The following APCDD1L variants were observed in gnomAD, a reference collection of about 807,000 sequenced individuals.
APCDD1L encodes the protein protein APCDD1-like.
A neutral mutation model predicts 24.2 loss-of-function variants in APCDD1L; 21 were observed. The observed-to-expected ratio is 0.87, with a 90% confidence interval of 0.61 to 1.25. The LOEUF is 1.25. APCDD1L is among the 50% of genes most tolerant of loss of function. APCDD1L has a pLI of 0.00. For missense variants in APCDD1L, 704 were observed against 711.7 expected (o/e 0.99, Z 0.12); for synonymous variants, 321 against 323.6 (o/e 0.99, Z 0.09).
rs1364184210 is a variant in APCDD1L, at chr20:58,497,937, T to C, written c.49+16722A>G. On this transcript the variant is annotated intron_variant, in intron 1 of 3. Coordinates refer to ENST00000371149, the MANE Select transcript of APCDD1L (RefSeq NM_153360.3). The surrounding 1 kb of genome is among the most constrained non-coding windows in gnomAD (Gnocchi z 4.3). ...CTCCCTTCTCGGCAGCAACAACCAT[T>C]ATCGGTTTGTGCATCTCTCCAGATC... Among the ~76,000 whole-genome samples the C allele has an allele frequency of 6.6e-6, 1 of 152,126 alleles. No homozygotes were observed. The highest frequency in any genetic ancestry group is 2.4e-5 in the African/African-American group (1 of 41,414).
chr20:58,507,010 C>T (rs1481333500), intron 1 of APCDD1L, among the ~76,000 whole-genome samples: 2 of 152,146 alleles, frequency 1.3e-5, no homozygotes, highest in African/African-American at 4.8e-5. Context: ...TATGGTTTGG[C>T]TGTGTCCCCA....
chr20:58,467,802 C>T lies in APCDD1L; in HGVS notation c.189-144G>A, dbSNP rs1989747157. ...CCTGGGCCCCTCCAGCCTCAGTTCC[C>T]CTCACTGCTCGCAGTCAGGCACCCT... On this transcript the variant is annotated intron_variant, in intron 2 of 3. Coordinates refer to ENST00000371149, the MANE Select transcript of APCDD1L (RefSeq NM_153360.3). The surrounding 1 kb of genome is among the most constrained non-coding windows in gnomAD (Gnocchi z 5.9). 1.2e-6 allele frequency: 1 copy of T among 829,846 alleles called. No homozygotes were observed. 51.4% of individuals were successfully genotyped at this position (829,846 alleles called of 1,614,324 possible). A position where few individuals can be genotyped will look rare whatever the true frequency, so the allele number is the denominator to read the frequency against.
rs1261558454 is a variant in APCDD1L at position 58,467,401 on chromosome 20, A to G, written c.446T>C (p.Leu149Pro). Reference sequence around the variant, plus strand: ...GTCCCGGCCGGCGCGGGTCTGGTTGAGGCGCCCGGTGACGTCGACCAGGGC... The same window carrying G: ...GTCCCGGCCGGCGCGGGTCTGGTTGGGGCGCCCGGTGACGTCGACCAGGGC... ...RRALVDVTGR[L>P]NQTRAGRDCA... Residue 149 changes from leucine (L) to proline (P), a missense_variant, in exon 3 of 4, where the codon CTC (leucine) becomes CCC (proline). Physicochemically the swap from Leu to Pro is moderately conservative, Grantham distance 98. Transcript: ENST00000371149. The surrounding 1 kb of genome is among the most constrained non-coding windows in gnomAD (Gnocchi z 5.9). The G allele has an allele frequency of 5.9e-6, 9 of 1,533,808 alleles. No homozygotes were observed. In the Admixed American group the frequency reaches 1.8e-4, roughly 31 times the overall value.
intron 1 of APCDD1L, among the ~76,000 whole-genome samples, chr20:58,503,887 C>G (rs1189816491): frequency 6.6e-6 from 1 of 152,222 alleles, no homozygotes; most frequent in Non-Finnish European, 1.5e-5. Flanking sequence ...GGGAACCACT[C>G]TGCACTTTCT....
In APCDD1L at chr20:58,460,855, G is replaced by A. The variant is rs779459460; in HGVS notation, c.1441C>T (p.Leu481Phe). 5 of 1,562,818 alleles carry A rather than the reference G, an allele frequency of 3.2e-6. No homozygotes were observed. In the African/African-American group the frequency reaches 6.8e-5, roughly 21 times the overall value. ...AGAAGTGGGAAGGGGGCTATGTGAA[G>A]ACCCCCTGTGCTGGGGTGCTTCTGC... Reference protein sequence around the residue: ...SLQKHPSTGGLHIAPFPLLPL... With the variant: ...SLQKHPSTGGFHIAPFPLLPL... Residue 481 changes from leucine (L) to phenylalanine (F), a missense_variant, in exon 4 of 4, where the codon CTT becomes TTT. Physicochemically the swap from Leu to Phe is conservative, Grantham distance 22. Transcript: ENST00000371149. The surrounding 1 kb of genome is among the most constrained non-coding windows in gnomAD (Gnocchi z 4.2).
intron 1 of APCDD1L, among the ~76,000 whole-genome samples, chr20:58,505,223 AATT>A (rs1287978744): frequency 6.6e-6 from 1 of 151,992 alleles, no homozygotes; most frequent in Non-Finnish European, 1.5e-5. Flanking sequence ...GTTTTTTACA[AATT>A]ATTATTATTT....
In APCDD1L at chr20:58,494,426, C is replaced by T. The variant is rs1004918196; in HGVS notation, c.49+20233G>A. On this transcript the variant is annotated intron_variant, in intron 1 of 3. Coordinates refer to ENST00000371149, the MANE Select transcript of APCDD1L (RefSeq NM_153360.3). This position sits in a 1 kb window ranked among gnomAD's most constrained non-coding sequence, Gnocchi z 4.8. ...CGGCTCACTGCAGCCTCAAACTCCCCGGCTCAAGCCATCCTCTGGCCTCAG... is the reference window on the plus strand; with the variant it reads ...CGGCTCACTGCAGCCTCAAACTCCCTGGCTCAAGCCATCCTCTGGCCTCAG... 1.3e-4 allele frequency among the ~76,000 whole-genome samples: 20 copies of T among 152,058 alleles called. No homozygotes were observed. Among genetic ancestry groups the T allele is most frequent in the South Asian group, 4.2e-4 (2 of 4,810 alleles).
rs539568082 is a variant in APCDD1L, at chr20:58,460,024, G to T, written c.*766C>A. On this transcript the variant is annotated 3_prime_UTR_variant, in exon 4 of 4. Transcript: ENST00000371149. This position sits in a 1 kb window ranked among gnomAD's most constrained non-coding sequence, Gnocchi z 4.2. ...GGGCCAGGAAGGCTTGGAGGCCGCA[G>T]GCTGCTCTGGGGAGGCCATGCTTCT... The T allele has an allele frequency of 1.3e-5, 2 of 152,406 alleles. No individual in the cohort carries two copies. Among genetic ancestry groups the T allele is most frequent in the African/African-American group, 4.8e-5 (2 of 41,574 alleles). 9.4% of individuals were successfully genotyped at this position (152,406 alleles called of 1,614,324 possible).
intron 1 of APCDD1L, among the ~76,000 whole-genome samples, chr20:58,511,264 G>A (rs1990621473): frequency 6.6e-6 from 1 of 152,144 alleles, no homozygotes; most frequent in Non-Finnish European, 1.5e-5. Context: ...TCCTTCTCAA[G>A]AGCCCCCCAA....
Position 58,476,044 on chromosome 20 carries a change from TG to T in APCDD1L, c.50-5298del, listed in dbSNP as rs1175482231. On this transcript the variant is annotated intron_variant, in intron 1 of 3. Transcript: ENST00000371149. ...CAAATAAGGTCCTATTCCCAGGTACTGGGGGTTAGGACTCGAACATATCTTT... is the reference window on the plus strand; with the variant it reads ...CAAATAAGGTCCTATTCCCAGGTACTGGGGTTAGGACTCGAACATATCTTT... Among the ~76,000 whole-genome samples, 4 of 152,336 alleles carry T rather than the reference TG, an allele frequency of 2.6e-5. No individual in the cohort carries two copies. The East Asian group carries it at 7.7e-4, about 29-fold the overall frequency.
chr20:58,490,733 G>A (rs978085233), intron 1 of APCDD1L, among the ~76,000 whole-genome samples: 9 of 152,162 alleles, frequency 5.9e-5, no homozygotes, highest in African/African-American at 2.2e-4. Flanking sequence ...ACATTGCTAA[G>A]GTTCTCACAC....
In APCDD1L at chr20:58,461,170, G is replaced by A; in HGVS notation, c.1126C>T (p.Pro376Ser). The A allele has an allele frequency of 6.2e-7, 1 of 1,613,182 alleles. No individual in the cohort carries two copies. The highest frequency in any genetic ancestry group is 1.1e-5 in the South Asian group (1 of 91,068). Residue 376 changes from proline to serine, a missense_variant, in exon 4 of 4, where the codon CCA (proline) becomes TCA (serine). By Grantham distance (74) the Pro-to-Ser change is moderately conservative. Coordinates refer to ENST00000371149, the MANE Select transcript of APCDD1L (RefSeq NM_153360.3). The surrounding 1 kb of genome is among the most constrained non-coding windows in gnomAD (Gnocchi z 6.0). ...VTTAMLNFSE[P>S]SSCGGAGAWS... Reference sequence around the variant, plus strand: ...GCCCCCGCACCCCCACAGCTGCTTGGCTCAGAGAAGTTGAGCATGGCCGTG... The same window carrying A: ...GCCCCCGCACCCCCACAGCTGCTTGACTCAGAGAAGTTGAGCATGGCCGTG...
chr20:58,470,697 C>T lies in APCDD1L; in HGVS notation c.100G>A (p.Glu34Lys). ...GGCAAGGGCTGCTGGCAGTGGGGTT[C>T]CCAGCGCAGGCAGCTGCCCCCGGCC... ...GEAGGSCLRW[E>K]PHCQQPLPDR... The change falls in exon 2 of 4, where the codon GAA becomes AAA. Residue 34 changes from glutamate (E) to lysine (K), a missense_variant. By Grantham distance (56) the Glu-to-Lys change is moderately conservative. Coordinates refer to ENST00000371149, the MANE Select transcript of APCDD1L (RefSeq NM_153360.3). 2 of 1,551,866 alleles carry T rather than the reference C, an allele frequency of 1.3e-6. No individual in the cohort carries two copies. The highest frequency in any genetic ancestry group is 1.7e-6 in the Non-Finnish European group (2 of 1,148,950).
chr20:58,509,656 G>A (rs142612607), intron 1 of APCDD1L, among the ~76,000 whole-genome samples: 2 of 152,290 alleles, frequency 1.3e-5, no homozygotes, highest in African/African-American at 4.8e-5. Flanking sequence ...TCTGAATGGG[G>A]GCAGGGAGAA....
chr20:58,462,503 A>G lies in APCDD1L; in HGVS notation c.742-949T>C, dbSNP rs145069896. Among the ~76,000 whole-genome samples the G allele has an allele frequency of 2.4e-4, 36 of 152,226 alleles. No homozygotes were observed. The East Asian group carries it at 4.1e-3, about 17-fold the overall frequency. On this transcript the variant is annotated intron_variant, in intron 3 of 3. Coordinates refer to ENST00000371149, the MANE Select transcript of APCDD1L (RefSeq NM_153360.3). Reference sequence around the variant, plus strand: ...GTGGAAGGTGCGCATCATTTGCTCTACCTACCCCATGGAAAGTGGATATGG... The same window carrying G: ...GTGGAAGGTGCGCATCATTTGCTCTGCCTACCCCATGGAAAGTGGATATGG...
chr20:58,498,696 C>A (rs1990372487), intron 1 of APCDD1L, among the ~76,000 whole-genome samples: 3 of 152,208 alleles, frequency 2.0e-5, no homozygotes, highest in African/African-American at 7.2e-5. Context: ...AGCCTGATAA[C>A]CTTGGCCTCC....
chr20:58,507,367 C>A (rs745481364), intron 1 of APCDD1L, among the ~76,000 whole-genome samples: 94 of 152,174 alleles, frequency 6.2e-4, no homozygotes, highest in Admixed American at 3.0e-3. Context: ...TGAGGTAATA[C>A]AATGTCCATG....
chr20:58,496,330 G>A (rs1464292914), intron 1 of APCDD1L, among the ~76,000 whole-genome samples: 1 of 152,240 alleles, frequency 6.6e-6, no homozygotes, highest in African/African-American at 2.4e-5. Flanking sequence ...GGCTGTAGCA[G>A]CCCCTCATGG....
chr20:58,496,271 A>AGGCAAATGGTCCTGTTGGTGCCAGGG (rs1990319811), intron 1 of APCDD1L, among the ~76,000 whole-genome samples: 1 of 152,208 alleles, frequency 6.6e-6, no homozygotes, highest in Non-Finnish European at 1.5e-5. Context: ...GCCAGGCCCC[A>AGGCAAATGGTCCTGTTGGTGCCAGGG]GGCAAATGGT....
Sources: allele counts gnomAD v4.1 joint callset (sites outside exome capture counted in the v4.1 genomes callset), GRCh38; gene constraint gnomAD v4.1.1; non-coding constraint Gnocchi (gnomAD v3.1); transcripts MANE v1.5; gene names NCBI Gene and HGNC (gene_info 2026-07-23, HGNC 2026-07-21).